Variants in KDM5B observed in about 807,000 individuals in gnomAD.
KDM5B encodes the protein lysine demethylase 5B, also known as lysine-specific demethylase 5B.
In KDM5B, 144 loss-of-function variants were observed where a neutral mutation model predicts 193.4. The observed-to-expected ratio is 0.74, with a 90% CI of 0.65 to 0.86. KDM5B has a LOEUF of 0.86. KDM5B is among the 40% of genes least tolerant of loss of function. The probability of loss-of-function intolerance (pLI) is 0.00; values close to 1 mark genes in which losing one functional copy is unlikely to be tolerated. For synonymous variants in KDM5B, 668 were observed against 682.6 expected (o/e 0.98, Z 0.33); for missense variants, 1,833 against 1,886.9 (o/e 0.97, Z 0.53).
rs1241518450 is a variant in KDM5B, at chr1:202,729,689, G to A, written c.4497+18C>T. The A allele has an allele frequency of 1.2e-6, 2 of 1,602,396 alleles. No individual in the cohort carries two copies. Among genetic ancestry groups the A allele is most frequent in the Middle Eastern group, 1.7e-4 (1 of 5,948 alleles). ...AGTTAAGGGAAAGCACGTCCTCTAT[G>A]GCCCAAACCTCACTGACCTCATCTC... On this transcript the variant is annotated intron_variant, in intron 26 of 26. Transcript: ENST00000367265.
intron 26 of KDM5B, chr1:202,729,393 G>C (rs1654790772): frequency 1.6e-6 from 1 of 621,364 alleles, no homozygotes; most frequent in African/African-American, 1.8e-5. Flanking sequence ...TTGGGGTTAA[G>C]ACAGCGCTGC....
In KDM5B at chr1:202,808,313, G is replaced by C. The variant is rs779168314; in HGVS notation, c.-8C>G. ...TGTGGTGGCCGCCTCCATCACCGCA[G>C]GCTGGGCAAGGGCGAGGCGAAGGTG... On this transcript the variant is annotated 5_prime_UTR_variant, in exon 1 of 27. Coordinates refer to ENST00000367265, the MANE Select transcript of KDM5B (RefSeq NM_006618.5). The C allele has an allele frequency of 3.2e-6, 5 of 1,581,670 alleles. No homozygotes were observed. Among genetic ancestry groups the C allele is most frequent in the Non-Finnish European group, 3.4e-6 (4 of 1,165,750 alleles).
At chr1:202,759,310 A>C (rs1367460856) in intron 8 of KDM5B, among the ~76,000 whole-genome samples, 1 of 152,118 alleles carries the variant, frequency 6.6e-6, no homozygotes, top group Non-Finnish European at 1.5e-5. Context: ...AGGCTGGGGC[A>C]GGAGGATCAC....
At chr1:202,729,398 C>A in intron 26 of KDM5B, 1 of 612,710 alleles carries the variant, frequency 1.6e-6, no homozygotes, top group South Asian at 2.0e-5. Flanking sequence ...GTTAAGACAG[C>A]GCTGCCCTGT....
intron 8 of KDM5B, among the ~76,000 whole-genome samples, chr1:202,760,187 G>A (rs1656189779): frequency 8.2e-6 from 1 of 122,388 alleles, no homozygotes; most frequent in South Asian, 2.8e-4. Context: ...CATGGCATGG[G>A]CCTGTAGTCC....
At chr1:202,785,002 C>G (rs1251494428) in intron 1 of KDM5B, among the ~76,000 whole-genome samples, 1 of 148,078 alleles carries the variant, frequency 6.8e-6, no homozygotes, top group Non-Finnish European at 1.5e-5. Context: ...AAAGTGAGAG[C>G]CTGTCTCAAA....
At position 202,731,950 on chromosome 1, in the gene KDM5B, G is replaced by A; in HGVS notation, c.3910-11C>T. ...AGGAGGTTGAGATACCTAATGGAGG[G>A]AAAACGTTTTATAATAAAATCTCTT... On this transcript the variant is annotated splice_polypyrimidine_tract_variant and intron_variant, in intron 23 of 26. Transcript: ENST00000367265. The A allele has an allele frequency of 6.5e-7, 1 of 1,528,180 alleles. No individual in the cohort carries two copies. Among genetic ancestry groups the A allele is most frequent in the Non-Finnish European group, 9.0e-7 (1 of 1,115,690 alleles). 94.7% of individuals were successfully genotyped at this position (1,528,180 alleles called of 1,614,324 possible).
rs1455275426 is a variant in KDM5B, at chr1:202,725,432, C to T, written c.*3604G>A. 6.6e-6 allele frequency: 1 copy of T among 152,152 alleles called. No individual in the cohort carries two copies. The highest frequency in any genetic ancestry group is 1.9e-4 in the East Asian group (1 of 5,196). The allele number at this position is 152,152 out of a possible 1,614,324, so 9.4% of individuals were successfully genotyped here. A position where few individuals can be genotyped will look rare whatever the true frequency, so the allele number is the denominator to read the frequency against. On this transcript the variant is annotated 3_prime_UTR_variant, in exon 27 of 27. Coordinates refer to ENST00000367265, the MANE Select transcript of KDM5B (RefSeq NM_006618.5). ...TTTCTATAATAAGTTACACATGAAG[C>T]CTCCCAAAAGAAAGCTGAGAAGCTT...
intron 14 of KDM5B, among the ~76,000 whole-genome samples, chr1:202,746,764 A>G (rs1230070302): frequency 6.6e-6 from 1 of 152,248 alleles, no homozygotes; most frequent in Non-Finnish European, 1.5e-5. Context: ...GGACGAGTGG[A>G]AAAGACTATC....
At chr1:202,761,376 T>C (rs1401748417) in intron 7 of KDM5B, among the ~76,000 whole-genome samples, 1 of 152,060 alleles carries the variant, frequency 6.6e-6, no homozygotes, top group Non-Finnish European at 1.5e-5. Flanking sequence ...GCCCAGGAGT[T>C]CAAGGCAGCA....
chr1:202,779,908 T>C (rs1320970258), intron 1 of KDM5B, among the ~76,000 whole-genome samples: 3 of 151,942 alleles, frequency 2.0e-5, no homozygotes, highest in Non-Finnish European at 4.4e-5. Context: ...ACATTAGGAA[T>C]GTACGATTAT....
chr1:202,750,579 T>G, intron 13 of KDM5B, 80 bp downstream of exon 13: 1 of 1,502,766 alleles, frequency 6.7e-7, no homozygotes, highest in Admixed American at 1.8e-5. Context: ...CCAGCCCACA[T>G]GACACTTTAA....
intron 1 of KDM5B, among the ~76,000 whole-genome samples, chr1:202,793,702 AC>A (rs1173395682): frequency 6.6e-6 from 1 of 152,184 alleles, no homozygotes. Context: ...GGCTAATGTT[AC>A]CCCTCAAAAC....
intron 1 of KDM5B, among the ~76,000 whole-genome samples, chr1:202,804,525 TCTC>T (rs1658205615): frequency 6.6e-6 from 1 of 152,276 alleles, no homozygotes; most frequent in African/African-American, 2.4e-5. Context: ...TCCTCCCTCT[TCTC>T]TAGGAGTGGA....
rs1325112373 is a variant in KDM5B at position 202,808,040 on chromosome 1, C to A, written c.204+62G>T. 4 of 1,552,266 alleles carry A rather than the reference C, an allele frequency of 2.6e-6. No individual in the cohort carries two copies. In the Admixed American group the frequency reaches 7.4e-5, roughly 29 times the overall value. ...CCCCCGCGCCTCGGGCCTCCCCGGACCCGCGCGTCCCCGCTCCCTCCCCCA... is the reference window on the plus strand; with the variant it reads ...CCCCCGCGCCTCGGGCCTCCCCGGAACCGCGCGTCCCCGCTCCCTCCCCCA... On this transcript the variant is annotated intron_variant, in intron 1 of 26. Coordinates refer to ENST00000367265, the MANE Select transcript of KDM5B (RefSeq NM_006618.5).
chr1:202,734,010 C>T (rs996729750), intron 22 of KDM5B, 124 bp from the exon 23 acceptor site: 2 of 1,200,978 alleles, frequency 1.7e-6, no homozygotes, highest in Middle Eastern at 2.2e-4. Context: ...ATCCTGACTG[C>T]CTCATACTAA....
chr1:202,729,261 T>C (rs1472427963), intron 26 of KDM5B, 88 bp from the exon 27 acceptor site: 3 of 1,477,196 alleles, frequency 2.0e-6, no homozygotes, highest in East Asian at 2.3e-5. Context: ...TTCAGGCCGT[T>C]TGCCAATAAC....
At chr1:202,767,556 A>G in intron 4 of KDM5B, 2 of 611,812 alleles carry the variant, frequency 3.3e-6, no homozygotes, top group South Asian at 4.0e-5. Context: ...TTTTAATCTT[A>G]GAGAGTTTCA....
At chr1:202,732,040 G>GA in intron 23 of KDM5B, 101 bp from the exon 24 acceptor site, 2 of 655,772 alleles carry the variant, frequency 3.0e-6, no homozygotes, top group Non-Finnish European at 2.5e-6. Flanking sequence ...AGGCAACCAG[G>GA]GGAAAAAAAA....
Sources: gnomAD v4.1 joint callset for allele counts (sites outside exome capture counted in the v4.1 genomes callset) on GRCh38, gnomAD v4.1.1 for gene constraint, MANE v1.5 for transcripts, NCBI Gene and HGNC (gene_info 2026-07-23, HGNC 2026-07-21) for gene names.